Variants in NKAIN2 observed in about 807,000 individuals in gnomAD.
NKAIN2 encodes the protein sodium/potassium-transporting ATPase subunit beta-1-interacting protein 2.
In NKAIN2, 14 loss-of-function variants were observed where a neutral mutation model predicts 32.6. That is an observed-to-expected ratio of 0.43 (90% CI 0.28 to 0.67). The LOEUF is 0.67. Among genes scored for constraint, NKAIN2 ranks in the 30% least tolerant of loss-of-function variants. NKAIN2 has a pLI of 0.17. For missense variants in NKAIN2, 198 were observed against 258.3 expected (o/e 0.77, Z 1.60); for synonymous variants, 80 against 87.2 (o/e 0.92, Z 0.46).
chr6:124,370,282 GC>G (rs1799699353), intron 3 of NKAIN2, among the ~76,000 whole-genome samples: 2 of 151,540 alleles, frequency 1.3e-5, no homozygotes, highest in African/African-American at 4.9e-5. Flanking sequence ...TTAAGTTTCA[GC>G]GTAGCACTTA....
intron 3 of NKAIN2, among the ~76,000 whole-genome samples, chr6:124,526,506 C>T (rs1018838149): frequency 3.3e-5 from 5 of 152,012 alleles, no homozygotes; most frequent in African/African-American, 9.7e-5. Context: ...GGGCCAACCC[C>T]CACCCTCAGA....
At chr6:124,541,334 T>C (rs1334691191) in intron 3 of NKAIN2, among the ~76,000 whole-genome samples, 1 of 152,170 alleles carries the variant, frequency 6.6e-6, no homozygotes, top group Non-Finnish European at 1.5e-5. Flanking sequence ...CAAAATAGCA[T>C]GAGCAGCTAA....
chr6:124,629,207 T>C (rs1283483929), intron 3 of NKAIN2, among the ~76,000 whole-genome samples: 1 of 152,166 alleles, frequency 6.6e-6, no homozygotes, highest in Non-Finnish European at 1.5e-5. Flanking sequence ...CTATTGAGTC[T>C]AAGAATTAAA....
At chr6:124,632,461 T>C (rs1218046433) in intron 3 of NKAIN2, among the ~76,000 whole-genome samples, 1 of 152,196 alleles carries the variant, frequency 6.6e-6, no homozygotes, top group Non-Finnish European at 1.5e-5. Context: ...AACGAAATGA[T>C]TGAATTGTTT....
intron 1 of NKAIN2, among the ~76,000 whole-genome samples, chr6:124,082,657 T>C (rs147826403): frequency 6.6e-6 from 1 of 152,156 alleles, no homozygotes; most frequent in East Asian, 1.9e-4. Flanking sequence ...AGATCTTTAA[T>C]AGAGTTCTGA....
chr6:124,691,197 T>C (rs796662635), intron 4 of NKAIN2, among the ~76,000 whole-genome samples: 18 of 152,316 alleles, frequency 1.2e-4, no homozygotes, highest in African/African-American at 4.3e-4. Context: ...ACATTTGGAT[T>C]ATTCAACAAT....
intron 1 of NKAIN2, among the ~76,000 whole-genome samples, chr6:124,275,379 A>G (rs1313540341): frequency 6.6e-6 from 1 of 152,164 alleles, no homozygotes; most frequent in African/African-American, 2.4e-5. Flanking sequence ...CAGTAATACA[A>G]ATTATGAGAA....
chr6:124,561,295 G>A (rs771750305), intron 3 of NKAIN2, among the ~76,000 whole-genome samples: 35 of 152,138 alleles, frequency 2.3e-4, no homozygotes, highest in Non-Finnish European at 5.0e-4. Flanking sequence ...TCTATACAGT[G>A]TATATAAATA....
At chr6:124,127,850 G>A (rs753438962) in intron 1 of NKAIN2, among the ~76,000 whole-genome samples, 2 of 151,690 alleles carry the variant, frequency 1.3e-5, no homozygotes, top group Non-Finnish European at 2.9e-5. Flanking sequence ...TTTTTTAGAT[G>A]GAGTATTGCT....
At position 124,249,565 on chromosome 6, in the gene NKAIN2, C is replaced by T. The variant is rs555611317; in HGVS notation, c.55-33440C>T. 5.3e-5 allele frequency among the ~76,000 whole-genome samples: 8 copies of T among 152,094 alleles called. No homozygotes were observed. The South Asian group carries it at 1.7e-3, about 32-fold the overall frequency. On this transcript the variant is annotated intron_variant, in intron 1 of 6. Coordinates refer to ENST00000368417, the MANE Select transcript of NKAIN2 (RefSeq NM_001040214.3). ...CTGAGCACAACTCTTCTTACTGAAA[C>T]AATAAGATGCTGGATAAAAATATTT...
At chr6:124,748,795 T>C (rs1338873791) in intron 4 of NKAIN2, among the ~76,000 whole-genome samples, 1 of 151,934 alleles carries the variant, frequency 6.6e-6, no homozygotes, top group East Asian at 2.0e-4. Context: ...AAATCTTTTC[T>C]TAGAACCAGT....
At chr6:124,424,868 T>C (rs1024568832) in intron 3 of NKAIN2, among the ~76,000 whole-genome samples, 1 of 152,194 alleles carries the variant, frequency 6.6e-6, no homozygotes, top group East Asian at 1.9e-4. Flanking sequence ...GCAATGAACA[T>C]GAGGATACAG....
intron 2 of NKAIN2, among the ~76,000 whole-genome samples, chr6:124,292,627 A>T (rs548228690): frequency 4.0e-5 from 6 of 149,020 alleles, no homozygotes; most frequent in Non-Finnish European, 8.9e-5. Context: ...CCTGTTCAAG[A>T]TGGATTTGCT....
chr6:123,963,606 ATAGT>A (rs1777948817), intron 1 of NKAIN2, among the ~76,000 whole-genome samples: 1 of 152,216 alleles, frequency 6.6e-6, no homozygotes, highest in Non-Finnish European at 1.5e-5. Flanking sequence ...TACTTACACA[ATAGT>A]TAGAAGAGAA....
At chr6:123,881,698 T>A (rs982173414) in intron 1 of NKAIN2, among the ~76,000 whole-genome samples, 2 of 152,198 alleles carry the variant, frequency 1.3e-5, no homozygotes, top group African/African-American at 2.4e-5. Context: ...ATAAAAAAGA[T>A]GGGAGTTCAA....
At chr6:124,557,110 C>A (rs1780503850) in intron 3 of NKAIN2, among the ~76,000 whole-genome samples, 1 of 152,034 alleles carries the variant, frequency 6.6e-6, no homozygotes, top group South Asian at 2.1e-4. Context: ...TTATTGAACA[C>A]AAAGATGCAG....
At chr6:124,817,614 A>G (rs571637597) in intron 5 of NKAIN2, among the ~76,000 whole-genome samples, 1 of 152,316 alleles carries the variant, frequency 6.6e-6, no homozygotes, top group African/African-American at 2.4e-5. Flanking sequence ...CAAAGCTGCC[A>G]GAAATGTCTG....
At chr6:124,642,653 C>T (rs1784034488) in intron 3 of NKAIN2, among the ~76,000 whole-genome samples, 5 of 152,122 alleles carry the variant, frequency 3.3e-5, no homozygotes, top group Admixed American at 2.6e-4. Flanking sequence ...TATTCCATCT[C>T]CTGCATCCTT....
chr6:124,110,571 A>G (rs560920696), intron 1 of NKAIN2, among the ~76,000 whole-genome samples: 3 of 152,066 alleles, frequency 2.0e-5, no homozygotes, highest in Non-Finnish European at 2.9e-5. Flanking sequence ...AGTAGTCCCT[A>G]GTGTCTGTTG....
Sources: allele counts gnomAD v4.1 joint callset (sites outside exome capture counted in the v4.1 genomes callset), GRCh38; gene constraint gnomAD v4.1.1; transcripts MANE v1.5; gene names NCBI Gene and HGNC (gene_info 2026-07-23, HGNC 2026-07-21).